Variants in PDC observed in about 807,000 individuals in gnomAD.
The protein encoded by PDC is 33 kDa phototransducing protein.
A neutral mutation model predicts 22.2 loss-of-function variants in PDC; 19 were observed. The ratio of observed to expected loss-of-function variants is 0.86; its 90% CI spans 0.60 to 1.26. The LOEUF is 1.26. Among genes scored for constraint, PDC ranks in the 50% most tolerant of loss-of-function variants. PDC has a pLI of 0.00. For missense variants in PDC, 274 were observed against 286.8 expected, an observed-to-expected ratio of 0.96 and a Z score of 0.32; for synonymous variants, 97 against 96.2, an observed-to-expected ratio of 1.01 and a Z score of -0.05.
chr1:186,451,528 C>T (rs1325445666), intron 1 of PDC: 3 of 152,094 alleles, frequency 2.0e-5, no homozygotes, highest in Non-Finnish European at 4.4e-5. Context: ...AGACTCAATC[C>T]AGTCTCTTTA....
At chr1:186,455,692 T>C (rs1373024148) in intron 1 of PDC, among the ~76,000 whole-genome samples, 1 of 149,732 alleles carries the variant, frequency 6.7e-6, no homozygotes, top group Non-Finnish European at 1.5e-5. Flanking sequence ...CCGGGCGCAG[T>C]GGCTCACTCC....
intron 1 of PDC, among the ~76,000 whole-genome samples, chr1:186,454,061 T>C (rs909374103): frequency 1.3e-5 from 2 of 152,182 alleles, no homozygotes; most frequent in African/African-American, 4.8e-5. Context: ...TGTCTCTAAA[T>C]TCCTTGAGAC....
Position 186,446,414 on chromosome 1 carries a change from G to T in PDC, c.213+12C>A. On this transcript the variant is annotated intron_variant, in intron 3 of 3. Coordinates refer to ENST00000391997, the MANE Select transcript of PDC (RefSeq NM_002597.5). ...TGTAAATTATTTATTACTGCTTTTT[G>T]TATTATCTTACCTTTCTGCTGACTC... 6.4e-7 allele frequency: 1 copy of T among 1,553,456 alleles called. No individual in the cohort carries two copies. The highest frequency in any genetic ancestry group is 1.8e-5 in the Admixed American group (1 of 54,656).
At chr1:186,446,329 G>T in intron 3 of PDC, 97 bp downstream of exon 3, 2 of 913,410 alleles carry the variant, frequency 2.2e-6, no homozygotes, top group Non-Finnish European at 3.2e-6. Flanking sequence ...ATATTGTAAT[G>T]AATATATTTT....
intron 2 of PDC, among the ~76,000 whole-genome samples, chr1:186,447,767 A>G (rs1662263869): frequency 6.6e-6 from 1 of 152,054 alleles, no homozygotes; most frequent in Admixed American, 6.6e-5. Flanking sequence ...CAGGCAATCA[A>G]AGCTTTTTGT....
chr1:186,455,727 C>T (rs1472800100), intron 1 of PDC, among the ~76,000 whole-genome samples: 41 of 144,968 alleles, frequency 2.8e-4, no homozygotes, highest in Admixed American at 6.4e-4. Context: ...TTTGGGAGGC[C>T]GAGGCGGGCG....
chr1:186,445,369 T>C (rs145002661), intron 3 of PDC, among the ~76,000 whole-genome samples: 43 of 152,302 alleles, frequency 2.8e-4, no homozygotes, highest in African/African-American at 9.4e-4. Flanking sequence ...ACCTCTGAGG[T>C]AGGTACTATT....
At chr1:186,448,554 T>C (rs1257397173) in intron 2 of PDC, 2 of 239,548 alleles carry the variant, frequency 8.3e-6, no homozygotes, top group East Asian at 3.6e-4. Flanking sequence ...TTCCTTTTTT[T>C]CCCTGTCTCC....
At chr1:186,454,767 C>T (rs1662425447) in intron 1 of PDC, among the ~76,000 whole-genome samples, 1 of 152,184 alleles carries the variant, frequency 6.6e-6, no homozygotes, top group Admixed American at 6.5e-5. Context: ...TGAGATATTT[C>T]ACTCATGGAT....
In PDC at chr1:186,444,256, A is replaced by G; in HGVS notation, c.464T>C (p.Leu155Ser). ...AGGGTATTCTGCTGCAAGGCATGTT[A>G]AACTACTGTTTAGAGCATCACAACC... ...IKGCDALNSS[L>S]TCLAAEYPIV... is the part of the protein sequence containing the mutation. Residue 155 changes from leucine to serine, a missense_variant, in exon 4 of 4, where the codon TTA becomes TCA. Physicochemically the swap from Leu to Ser is moderately radical, Grantham distance 145. Coordinates refer to ENST00000391997, the MANE Select transcript of PDC (RefSeq NM_002597.5). 6.2e-7 allele frequency: 1 copy of G among 1,614,084 alleles called. No homozygotes were observed. Among genetic ancestry groups the G allele is most frequent in the Admixed American group, 1.7e-5 (1 of 60,028 alleles).
At chr1:186,457,875 C>A (rs2102139505) in intron 1 of PDC, among the ~76,000 whole-genome samples, 1 of 152,126 alleles carries the variant, frequency 6.6e-6, no homozygotes, top group Non-Finnish European at 1.5e-5. Context: ...CCTGACTTCC[C>A]CCCACTCCCA....
chr1:186,458,747 A>T (rs962881903), intron 1 of PDC, among the ~76,000 whole-genome samples: 1 of 152,168 alleles, frequency 6.6e-6, no homozygotes, highest in Non-Finnish European at 1.5e-5. Context: ...GAGCCACTCA[A>T]CAGTCCTGTT....
intron 1 of PDC, among the ~76,000 whole-genome samples, chr1:186,456,664 T>C (rs534909213): frequency 1.2e-4 from 19 of 152,346 alleles, no homozygotes; most frequent in African/African-American, 3.6e-4. Context: ...ATTTTTTCTT[T>C]CGTTTACATG....
chr1:186,449,369 A>G (rs1662300794), intron 2 of PDC, 30 bp downstream of exon 2: 1 of 1,421,636 alleles, frequency 7.0e-7, no homozygotes, highest in Non-Finnish European at 9.9e-7. Flanking sequence ...TTTTAATTTA[A>G]TAATTATTTT....
chr1:186,459,070 G>T (rs1662526339), intron 1 of PDC, among the ~76,000 whole-genome samples: 1 of 152,186 alleles, frequency 6.6e-6, no homozygotes. Flanking sequence ...GCTGACGCAG[G>T]AGAATCGCTT....
At chr1:186,449,090 G>A (rs1662294889) in intron 2 of PDC, among the ~76,000 whole-genome samples, 1 of 152,034 alleles carries the variant, frequency 6.6e-6, no homozygotes, top group Admixed American at 6.6e-5. Context: ...TACTGAGGGT[G>A]GGGTACAATC....
chr1:186,446,189 T>C (rs1320828364), intron 3 of PDC, among the ~76,000 whole-genome samples: 1 of 152,270 alleles, frequency 6.6e-6, no homozygotes, highest in African/African-American at 2.4e-5. Context: ...TGCTTTCTCA[T>C]ATTGTGAAAC....
intron 3 of PDC, among the ~76,000 whole-genome samples, chr1:186,445,784 ACT>A (rs1430881934): frequency 1.3e-5 from 2 of 152,012 alleles, no homozygotes; most frequent in African/African-American, 2.4e-5. Context: ...ACAGAATGAG[ACT>A]CTGTCTCAAA....
At chr1:186,460,659 G>A (rs1571729627) in intron 1 of PDC, among the ~76,000 whole-genome samples, 2 of 152,210 alleles carry the variant, frequency 1.3e-5, no homozygotes, top group African/African-American at 4.8e-5. Flanking sequence ...CTTGGATAAG[G>A]GGCAACTACC....
Sources: gnomAD v4.1 joint callset for allele counts (sites outside exome capture counted in the v4.1 genomes callset) on GRCh38, gnomAD v4.1.1 for gene constraint, MANE v1.5 for transcripts, NCBI Gene and HGNC (gene_info 2026-07-23, HGNC 2026-07-21) for gene names.